Variants in FBP1 observed in about 807,000 individuals in gnomAD.
FBP1 encodes the protein fructose-1,6-bisphosphatase 1.
A neutral mutation model predicts 29.9 loss-of-function variants in FBP1; 22 were observed. The ratio of observed to expected loss-of-function variants is 0.74; its 90% confidence interval spans 0.53 to 1.05. The LOEUF (loss-of-function observed/expected upper bound fraction) is 1.05, where lower values mean the gene tolerates loss of function less well. Ranked by LOEUF, FBP1 falls within the 50% of genes least tolerant of loss-of-function variation. The pLI is 0.00. For missense variants in FBP1, 345 were observed against 448.2 expected, an observed-to-expected ratio of 0.77 and a Z score of 2.08; for synonymous variants, 175 against 178.6, an observed-to-expected ratio of 0.98 and a Z score of 0.16.
intron 1 of FBP1, among the ~76,000 whole-genome samples, chr9:94,635,098 A>C (rs908855832): frequency 6.6e-6 from 1 of 151,766 alleles, no homozygotes; most frequent in Admixed American, 6.6e-5. Flanking sequence ...AAAAAAAAAA[A>C]AAAAAAAAAA....
At chr9:94,616,938 C>T (rs1479151416) in intron 3 of FBP1, among the ~76,000 whole-genome samples, 3 of 151,808 alleles carry the variant, frequency 2.0e-5, no homozygotes, top group African/African-American at 7.3e-5. Context: ...CTCTCTTTCT[C>T]TCTCTCTCTC....
chr9:94,625,018 C>T (rs917052041), intron 1 of FBP1, among the ~76,000 whole-genome samples: 2 of 151,968 alleles, frequency 1.3e-5, no homozygotes, highest in African/African-American at 4.8e-5. Context: ...GTCCCAAACA[C>T]AGGGGCACCG....
chr9:94,617,559 C>T (rs1302454552), intron 3 of FBP1, among the ~76,000 whole-genome samples: 3 of 152,154 alleles, frequency 2.0e-5, no homozygotes, highest in Non-Finnish European at 4.4e-5. Flanking sequence ...CTCTTCCCAC[C>T]CATATTTTAC....
chr9:94,629,402 A>G (rs993847940), intron 1 of FBP1, among the ~76,000 whole-genome samples: 1 of 152,204 alleles, frequency 6.6e-6, no homozygotes, highest in African/African-American at 2.4e-5. Context: ...TGGAAATAAA[A>G]CCACAGCTGC....
chr9:94,638,990 C>T (rs1645594157), intron 1 of FBP1, 151 bp downstream of exon 1: 3 of 824,766 alleles, frequency 3.6e-6, no homozygotes, highest in Admixed American at 2.0e-5. Context: ...GAGAGAGGGG[C>T]TACCAGACAG....
At chr9:94,605,664 T>A in intron 5 of FBP1, 88 bp from the exon 6 acceptor site, 5 of 1,320,918 alleles carry the variant, frequency 3.8e-6, no homozygotes, top group Non-Finnish European at 5.4e-6. Flanking sequence ...TGATTCCACA[T>A]CCATTCACCG....
intron 1 of FBP1, among the ~76,000 whole-genome samples, chr9:94,632,296 A>T (rs1587867011): frequency 6.6e-6 from 1 of 152,120 alleles, no homozygotes; most frequent in Non-Finnish European, 1.5e-5. Context: ...GCTAGCCTGG[A>T]CTCTCTCCCT....
intron 1 of FBP1, among the ~76,000 whole-genome samples, chr9:94,634,422 T>C (rs528161745): frequency 2.2e-4 from 33 of 152,312 alleles, no homozygotes; most frequent in Non-Finnish European, 4.6e-4. Flanking sequence ...TTGTACATGG[T>C]GGATGTTCAG....
At chr9:94,613,852 C>T (rs371327655) in intron 3 of FBP1, among the ~76,000 whole-genome samples, 1 of 150,468 alleles carries the variant, frequency 6.6e-6, no homozygotes, top group South Asian at 2.1e-4. Context: ...CCGAGGCGGG[C>T]GGATCACGAG....
At chr9:94,621,212 TCAAAAAAAAAAAAAAAAAAA>T (rs1827943410) in intron 1 of FBP1, among the ~76,000 whole-genome samples, 1 of 23,150 alleles carries the variant, frequency 4.3e-5, no homozygotes, top group African/African-American at 2.1e-4. Context: ...AGACTCCGTC[TCAAAAAAAAAAAAAAAAAAA>T]AAAAATACAA....
chr9:94,636,243 G>C (rs923678599), intron 1 of FBP1, among the ~76,000 whole-genome samples: 1 of 152,092 alleles, frequency 6.6e-6, no homozygotes, highest in African/African-American at 2.4e-5. Flanking sequence ...ATTTTGGGAG[G>C]CCAAGGTGGG....
intron 1 of FBP1, among the ~76,000 whole-genome samples, chr9:94,633,606 C>T (rs1270418323): frequency 6.6e-6 from 1 of 152,200 alleles, no homozygotes; most frequent in South Asian, 2.1e-4. Flanking sequence ...GCCTGAACTG[C>T]GGTCCAGCCG....
rs1827685992 is a variant in FBP1, at chr9:94,605,586, A to G, written c.706-10T>C. 1 of 1,613,468 alleles carries G rather than the reference A, an allele frequency of 6.2e-7. No individual in the cohort carries two copies. The highest frequency in any genetic ancestry group is 1.3e-5 in the African/African-American group (1 of 74,880). On this transcript the variant is annotated splice_polypyrimidine_tract_variant and intron_variant, in intron 5 of 6. Coordinates refer to ENST00000375326, the MANE Select transcript of FBP1 (RefSeq NM_000507.4). ...AAGGAGCTGAATTATCCTGCAAGTT[A>G]AGACCAGCAAGAATTAGGATTGCAG...
intron 1 of FBP1, among the ~76,000 whole-genome samples, chr9:94,637,583 G>T (rs1218652398): frequency 1.3e-5 from 2 of 151,878 alleles, no homozygotes; most frequent in Non-Finnish European, 2.9e-5. Flanking sequence ...TAGAGACGGG[G>T]TTTCACCATG....
Position 94,639,483 on chromosome 9 carries a change from C to A in FBP1, c.-173G>T. The A allele has an allele frequency of 4.1e-6, 3 of 726,572 alleles. No individual in the cohort carries two copies. The South Asian group carries it at 5.0e-5, about 12-fold the overall frequency. 45.0% of individuals were successfully genotyped at this position (726,572 alleles called of 1,614,324 possible). A position where few individuals can be genotyped will look rare whatever the true frequency, so the allele number is the denominator to read the frequency against. On this transcript the variant is annotated 5_prime_UTR_variant, in exon 1 of 7. Coordinates refer to ENST00000375326, the MANE Select transcript of FBP1 (RefSeq NM_000507.4). The stretch of plus-strand genomic sequence containing the variant: ...AGGACTGACAGACCGACTGCCGCCC[C>A]GAGTGTCCGCAGCGCTCGTGGTGCA...
chr9:94,640,178 CA>C (rs1828264865), upstream of FBP1: 1 of 152,252 alleles, frequency 6.6e-6, no homozygotes, highest in Non-Finnish European at 1.5e-5. Context: ...GTCGCTGACA[CA>C]GAGTCCTCGG....
chr9:94,630,314 C>T (rs183846014), intron 1 of FBP1, among the ~76,000 whole-genome samples: 36 of 152,296 alleles, frequency 2.4e-4, no homozygotes, highest in Non-Finnish European at 4.0e-4. Context: ...TAACCTCTAC[C>T]ATCCAACACT....
rs781200758 is a variant in FBP1, at chr9:94,617,872, A to G, written c.334-12T>C. The G allele has an allele frequency of 2.5e-6, 4 of 1,582,964 alleles. No individual in the cohort carries two copies. In the East Asian group the frequency reaches 6.7e-5, roughly 27 times the overall value. ...ACCACATATTTACCCTGAGCACAGA[A>G]AAAAGAAATACAACCTTAAAATGTT... On this transcript the variant is annotated splice_polypyrimidine_tract_variant and intron_variant, in intron 2 of 6. Transcript: ENST00000375326.
Position 94,624,608 on chromosome 9 carries a change from G to A in FBP1, c.171-4117C>T, listed in dbSNP as rs560396027. On this transcript the variant is annotated intron_variant, in intron 1 of 6. Coordinates refer to ENST00000375326, the MANE Select transcript of FBP1 (RefSeq NM_000507.4). Reference sequence around the variant, plus strand: ...GCGGAGGTTGCAGTGAGCCGAGATCGCACCATTGCACTCCAGCCTGGGCAA... The same window carrying A: ...GCGGAGGTTGCAGTGAGCCGAGATCACACCATTGCACTCCAGCCTGGGCAA... Among the ~76,000 whole-genome samples the A allele has an allele frequency of 2.8e-4, 43 of 152,106 alleles. No homozygotes were observed. The East Asian group carries it at 6.8e-3, about 24-fold the overall frequency.
Sources: gnomAD v4.1 joint callset for allele counts (sites outside exome capture counted in the v4.1 genomes callset) on GRCh38, gnomAD v4.1.1 for gene constraint, MANE v1.5 for transcripts, NCBI Gene and HGNC (gene_info 2026-07-23, HGNC 2026-07-21) for gene names.